ABLIM1: variants seen among roughly 807,000 people sequenced by gnomAD.
ABLIM1 encodes the protein actin-binding LIM protein 1.
In ABLIM1, 40 loss-of-function variants were observed where a neutral mutation model predicts 107.0. The ratio of observed to expected loss-of-function variants is 0.37; its 90% CI spans 0.29 to 0.49. The LOEUF (loss-of-function observed/expected upper bound fraction) is 0.49. Among genes scored for constraint, ABLIM1 ranks in the 20% least tolerant of loss-of-function variants. The pLI is 0.97. For synonymous variants in ABLIM1, 357 were observed against 357.3 expected, an observed-to-expected ratio of 1.00 and a Z score of 0.01; for missense variants, 857 against 1,008.5, an observed-to-expected ratio of 0.85 and a Z score of 2.04.
Position 114,546,044 on chromosome 10 carries a change from C to T in ABLIM1, c.801-946G>A, listed in dbSNP as rs185257926. On this transcript the variant is annotated intron_variant, in intron 5 of 22. Coordinates refer to ENST00000533213, the MANE Select transcript of ABLIM1 (RefSeq NM_002313.7). ...CAGAGTACAGCCTCTGAACAGCCTG[C>T]AGACACCACCTCCTCAGCTCTCAGG... Among the ~76,000 whole-genome samples the T allele has an allele frequency of 6.6e-4, 100 of 152,088 alleles. 2 individuals carry two copies. The East Asian group carries it at 0.013, about 20-fold the overall frequency.
intron 1 of ABLIM1, among the ~76,000 whole-genome samples, chr10:114,657,006 AG>A (rs781097661): frequency 1.2e-4 from 18 of 152,216 alleles, no homozygotes; most frequent in Admixed American, 2.0e-4. Flanking sequence ...GTAACATATC[AG>A]TTGCATACTA....
the ABLIM1 span, among the ~76,000 whole-genome samples, chr10:114,796,684 C>A: frequency 6.6e-6 from 1 of 152,262 alleles, no homozygotes; most frequent in East Asian, 1.9e-4. Flanking sequence ...CTATAGAAGT[C>A]TTTGAACTAC....
intron 1 of ABLIM1, among the ~76,000 whole-genome samples, chr10:114,756,083 A>T (rs1591948756): frequency 1.3e-5 from 2 of 150,642 alleles, no homozygotes; most frequent in Admixed American, 1.3e-4. Context: ...TGTGTTTGTG[A>T]GTGTGTGTGT....
At chr10:114,460,129 C>A (rs1260328430) in intron 12 of ABLIM1, among the ~76,000 whole-genome samples, 2 of 152,138 alleles carry the variant, frequency 1.3e-5, no homozygotes, top group Non-Finnish European at 2.9e-5. Context: ...TACTGAAACG[C>A]ATGGCCCTCA....
At chr10:114,667,917 T>G (rs1285518516) in intron 1 of ABLIM1, among the ~76,000 whole-genome samples, 1 of 152,234 alleles carries the variant, frequency 6.6e-6, no homozygotes, top group Non-Finnish European at 1.5e-5. Flanking sequence ...GTGCTATTAC[T>G]TTGCAGTAAA....
intron 2 of ABLIM1, among the ~76,000 whole-genome samples, chr10:114,582,492 T>C (rs188022903): frequency 5.2e-4 from 79 of 152,262 alleles, no homozygotes; most frequent in African/African-American, 1.6e-3. Context: ...TCATTTTTCA[T>C]AGAATTATAA....
At chr10:114,634,147 T>TTTTTTTTTTTTTTG in intron 1 of ABLIM1, among the ~76,000 whole-genome samples, 1 of 119,470 alleles carries the variant, frequency 8.4e-6, no homozygotes, top group Non-Finnish European at 1.7e-5. Context: ...TTTTTTTTTT[T>TTTTTTTTTTTTTTG]TTTGAGACGG....
upstream of ABLIM1, among the ~76,000 whole-genome samples, chr10:114,658,920 A>C (rs2079655650): frequency 2.0e-5 from 3 of 152,332 alleles, no homozygotes; most frequent in African/African-American, 7.2e-5. Flanking sequence ...AGCTTTACAC[A>C]AAGTTACAAG....
At chr10:114,441,339 A>G (rs1328552970) in intron 18 of ABLIM1, among the ~76,000 whole-genome samples, 1 of 152,226 alleles carries the variant, frequency 6.6e-6, no homozygotes, top group Non-Finnish European at 1.5e-5. Flanking sequence ...ACATAGTTAC[A>G]TAATTGTATT....
At chr10:114,595,549 G>A (rs371647105) in intron 2 of ABLIM1, among the ~76,000 whole-genome samples, 2 of 152,188 alleles carry the variant, frequency 1.3e-5, no homozygotes, top group Admixed American at 1.3e-4. Flanking sequence ...GATGAAGGCT[G>A]TAATGGACAA....
At chr10:114,468,853 C>T (rs1482510368) in intron 10 of ABLIM1, among the ~76,000 whole-genome samples, 5 of 151,720 alleles carry the variant, frequency 3.3e-5, no homozygotes, top group Admixed American at 3.3e-4. Context: ...AGATCGAGAC[C>T]ATCCTGGCTA....
At chr10:114,454,075 C>T (rs12414850) in intron 12 of ABLIM1, among the ~76,000 whole-genome samples, 2 of 152,166 alleles carry the variant, frequency 1.3e-5, no homozygotes, top group African/African-American at 2.4e-5. Context: ...GAGTCAGACG[C>T]GTGTCAGCCA....
At chr10:114,698,395 G>T (rs1455669178) in intron 1 of ABLIM1, among the ~76,000 whole-genome samples, 1 of 146,786 alleles carries the variant, frequency 6.8e-6, no homozygotes, top group Admixed American at 6.8e-5. Context: ...CAAAATAAAG[G>T]AGATTAAAAA....
At chr10:114,749,450 C>CCACACACACACA (rs151201319) in intron 1 of ABLIM1, among the ~76,000 whole-genome samples, 5,540 of 141,522 alleles carry the variant, frequency 0.039, 99 homozygotes, top group Middle Eastern at 0.064. Context: ...AACACACACA[C>CCACACACACACA]CACACACACA....
intron 1 of ABLIM1, among the ~76,000 whole-genome samples, chr10:114,653,271 G>A (rs1360454052): frequency 1.3e-5 from 2 of 152,248 alleles, no homozygotes; most frequent in Non-Finnish European, 1.5e-5. Context: ...GCGAGGTATG[G>A]TGGCTTGCGC....
intron 8 of ABLIM1, among the ~76,000 whole-genome samples, chr10:114,480,273 G>A (rs1215582449): frequency 2.0e-5 from 3 of 152,130 alleles, no homozygotes; most frequent in African/African-American, 7.2e-5. Context: ...CAATGGGTCA[G>A]AAGCCTTGTT....
At chr10:114,704,526 C>T (rs1223072948) in intron 1 of ABLIM1, among the ~76,000 whole-genome samples, 4 of 150,198 alleles carry the variant, frequency 2.7e-5, no homozygotes, top group Non-Finnish European at 5.9e-5. Context: ...AGAGATTTCC[C>T]AATGCCCAGT....
chr10:114,657,456 C>G (rs549034631), intron 1 of ABLIM1, among the ~76,000 whole-genome samples: 1 of 152,294 alleles, frequency 6.6e-6, no homozygotes, highest in South Asian at 2.1e-4. Context: ...TGAAAAGAAG[C>G]CTCAACAAGT....
chr10:114,658,733 A>G (rs2079645640), upstream of ABLIM1, among the ~76,000 whole-genome samples: 1 of 152,200 alleles, frequency 6.6e-6, no homozygotes, highest in African/African-American at 2.4e-5. Context: ...TCCAGCTCTC[A>G]GCCATAGTAA....
Sources: gnomAD v4.1 joint callset for allele counts (sites outside exome capture counted in the v4.1 genomes callset) on GRCh38, gnomAD v4.1.1 for gene constraint, MANE v1.5 for transcripts, NCBI Gene and HGNC (gene_info 2026-07-23, HGNC 2026-07-21) for gene names.